Variants in OPCML observed in about 807,000 individuals in gnomAD.
OPCML encodes the protein opioid-binding protein/cell adhesion molecule.
A neutral mutation model predicts 37.8 loss-of-function variants in OPCML; 13 were observed. The ratio of observed to expected loss-of-function variants is 0.34; its 90% confidence interval spans 0.22 to 0.55. The LOEUF (loss-of-function observed/expected upper bound fraction) is 0.55. Among genes scored for constraint, OPCML ranks in the 20% least tolerant of loss-of-function variants. The probability of loss-of-function intolerance (pLI) is 0.91; values close to 1 mark genes in which losing one functional copy is unlikely to be tolerated. For synonymous variants in OPCML, 176 were observed against 168.8 expected (o/e 1.04, Z -0.33); for missense variants, 341 against 435.6 (o/e 0.78, Z 1.93).
At chr11:132,887,178 T>C (rs1327705753) in intron 2 of OPCML, among the ~76,000 whole-genome samples, 2 of 152,174 alleles carry the variant, frequency 1.3e-5, no homozygotes, top group Non-Finnish European at 2.9e-5. Flanking sequence ...TCATCTATGT[T>C]TAGATACACA....
chr11:132,690,735 A>G (rs1203986373), intron 2 of OPCML, among the ~76,000 whole-genome samples: 1 of 152,204 alleles, frequency 6.6e-6, no homozygotes, highest in Non-Finnish European at 1.5e-5. Flanking sequence ...TACAGCATAA[A>G]AGGAGAGAAA....
At chr11:132,484,911 C>A (rs1387626526) in intron 4 of OPCML, among the ~76,000 whole-genome samples, 2 of 152,120 alleles carry the variant, frequency 1.3e-5, no homozygotes, top group East Asian at 3.9e-4. Flanking sequence ...CACTCTGGGG[C>A]CTGTTGTGGG....
intron 2 of OPCML, among the ~76,000 whole-genome samples, chr11:132,779,261 C>A (rs1946915645): frequency 6.6e-6 from 1 of 152,168 alleles, no homozygotes; most frequent in East Asian, 1.9e-4. Flanking sequence ...AGTCACCACA[C>A]CTGGCCTTAA....
chr11:132,984,625 T>C (rs539218040), intron 1 of OPCML, among the ~76,000 whole-genome samples: 2 of 152,306 alleles, frequency 1.3e-5, no homozygotes, highest in South Asian at 4.1e-4. Context: ...TTGTCCAGTA[T>C]TTTCCATCGC....
intron 2 of OPCML, among the ~76,000 whole-genome samples, chr11:132,762,827 C>A (rs1465367138): frequency 6.6e-6 from 1 of 152,128 alleles, no homozygotes; most frequent in Admixed American, 6.6e-5. Context: ...GTTAATGGTT[C>A]TGTCTCACTG....
intron 2 of OPCML, among the ~76,000 whole-genome samples, chr11:132,677,960 A>G (rs554975038): frequency 2.5e-4 from 38 of 152,204 alleles, no homozygotes; most frequent in Non-Finnish European, 4.3e-4. Context: ...AAAGAATTCA[A>G]AGAAACCACA....
intron 3 of OPCML, among the ~76,000 whole-genome samples, chr11:132,581,608 A>G (rs950382757): frequency 6.6e-6 from 1 of 152,234 alleles, no homozygotes; most frequent in Non-Finnish European, 1.5e-5. Context: ...AAGAGAGCTC[A>G]GCTCTGAATC....
chr11:133,123,906 T>C (rs529887025), intron 1 of OPCML, among the ~76,000 whole-genome samples: 3 of 152,248 alleles, frequency 2.0e-5, no homozygotes, highest in South Asian at 2.1e-4. Flanking sequence ...AAGTGGGATA[T>C]ACTGAGCGGT....
At chr11:132,430,628 C>T (rs1449023230) in intron 7 of OPCML, among the ~76,000 whole-genome samples, 1 of 152,174 alleles carries the variant, frequency 6.6e-6, no homozygotes, top group Admixed American at 6.5e-5. Context: ...TCCTTTTTCA[C>T]TTGCGATGAC....
intron 1 of OPCML, among the ~76,000 whole-genome samples, chr11:133,506,824 CAGG>C (rs1348721439): frequency 1.3e-5 from 2 of 152,202 alleles, no homozygotes; most frequent in South Asian, 2.1e-4. Flanking sequence ...GGGCAGAAGG[CAGG>C]AGAACGCACT....
At chr11:133,453,157 T>C (rs1201754301) in intron 1 of OPCML, among the ~76,000 whole-genome samples, 3 of 152,184 alleles carry the variant, frequency 2.0e-5, no homozygotes, top group African/African-American at 7.2e-5. Flanking sequence ...ACAATTCATA[T>C]TACACCAGAT....
intron 2 of OPCML, among the ~76,000 whole-genome samples, chr11:132,893,164 C>G (rs1943715450): frequency 6.6e-6 from 1 of 152,004 alleles, no homozygotes; most frequent in Non-Finnish European, 1.5e-5. Context: ...TGGTGGTTCA[C>G]TTGGACAGGA....
intron 1 of OPCML, among the ~76,000 whole-genome samples, chr11:133,071,741 T>C (rs4454727): frequency 0.55 from 83,428 of 152,100 alleles, 24,787 homozygotes; most frequent in African/African-American, 0.76. Flanking sequence ...ATAGTTTAGC[T>C]AAATATTTGG....
intron 3 of OPCML, among the ~76,000 whole-genome samples, chr11:132,535,089 A>G (rs2096336900): frequency 6.7e-6 from 1 of 148,892 alleles, no homozygotes; most frequent in Non-Finnish European, 1.5e-5. Flanking sequence ...TATTATATTT[A>G]ATAATATAGT....
At chr11:133,226,972 T>C (rs768218232) in intron 1 of OPCML, among the ~76,000 whole-genome samples, 3 of 152,224 alleles carry the variant, frequency 2.0e-5, no homozygotes, top group Non-Finnish European at 2.9e-5. Flanking sequence ...TTCCAAAATA[T>C]ATTTCATTTC....
chr11:132,584,301 A>AT (rs992414079), intron 3 of OPCML, among the ~76,000 whole-genome samples: 3 of 152,202 alleles, frequency 2.0e-5, no homozygotes, highest in East Asian at 3.9e-4. Flanking sequence ...AATTTAAAGC[A>AT]TTTTTTTATT....
intron 1 of OPCML, chr11:133,007,609 G>A: frequency 1.0e-6 from 1 of 985,414 alleles, no homozygotes; most frequent in South Asian, 4.7e-5. Context: ...TAGAAGCTGG[G>A]ATGCACATGC....
At chr11:132,719,486 T>C (rs1439663455) in intron 2 of OPCML, among the ~76,000 whole-genome samples, 1 of 152,122 alleles carries the variant, frequency 6.6e-6, no homozygotes. Context: ...CCGGTTTAAA[T>C]TAACAATGTG....
chr11:133,326,778 G>A (rs1943474367), intron 1 of OPCML, among the ~76,000 whole-genome samples: 1 of 144,944 alleles, frequency 6.9e-6, no homozygotes, highest in Non-Finnish European at 1.5e-5. Context: ...CAGTGAGTGT[G>A]TGGATGTGGA....
Sources: allele counts gnomAD v4.1 joint callset (sites outside exome capture counted in the v4.1 genomes callset), GRCh38; gene constraint gnomAD v4.1.1; transcripts MANE v1.5; gene names NCBI Gene and HGNC (gene_info 2026-07-23, HGNC 2026-07-21).